Variants in HNRNPK observed in about 807,000 individuals in gnomAD.
HNRNPK encodes heterogeneous nuclear ribonucleoprotein K, also known as dC-stretch binding protein.
A neutral mutation model predicts 67.0 loss-of-function variants in HNRNPK; 7 were observed. That is an observed-to-expected ratio of 0.10 (90% CI 0.06 to 0.20). The LOEUF (loss-of-function observed/expected upper bound fraction) is 0.20. HNRNPK is among the 10% of genes least tolerant of loss of function. The pLI is 1.00. For missense variants in HNRNPK, 264 were observed against 606.5 expected, an observed-to-expected ratio of 0.44 and a Z score of 5.93; for synonymous variants, 213 against 193.7, an observed-to-expected ratio of 1.10 and a Z score of -0.83.
At chr9:83,977,911 C>A in intron 3 of HNRNPK, 125 bp from the exon 4 acceptor site, 1 of 641,990 alleles carries the variant, frequency 1.6e-6, no homozygotes, top group Non-Finnish European at 2.7e-6. Context: ...TTGCTACAGA[C>A]TTGAACGTTA....
At position 83,968,167 on chromosome 9, in the gene HNRNPK, C is replaced by T. The variant is rs1169212584; in HGVS notation, c.*1240G>A. The stretch of plus-strand genomic sequence containing the variant: ...AATCAACCCTTGTTCAAATCGGGCA[C>T]ACATCAAATCTAGCATCATGGGTGT... On this transcript the variant is annotated 3_prime_UTR_variant, in exon 17 of 17. Transcript: ENST00000376263. The T allele has an allele frequency of 6.6e-6, 1 of 152,510 alleles. No individual in the cohort carries two copies. Among genetic ancestry groups the T allele is most frequent in the East Asian group, 1.9e-4 (1 of 5,196 alleles). The allele number at this position is 152,510 out of a possible 1,614,324, so 9.4% of individuals were successfully genotyped here.
intron 7 of HNRNPK, 144 bp downstream of exon 7, chr9:83,974,373 T>A (rs1281601570): frequency 6.3e-6 from 3 of 477,424 alleles, no homozygotes; most frequent in African/African-American, 2.0e-5. Context: ...ATTACGCATG[T>A]ACAAAATTAT....
chr9:83,973,851 C>T (rs1956959344), intron 8 of HNRNPK, 51 bp downstream of exon 8: 1 of 1,313,606 alleles, frequency 7.6e-7, no homozygotes. Context: ...ATAATCGATC[C>T]TATGGGCCAG....
intron 11 of HNRNPK, 55 bp from the exon 12 acceptor site, chr9:83,971,781 A>G: frequency 6.3e-7 from 1 of 1,598,202 alleles, no homozygotes; most frequent in Non-Finnish European, 8.6e-7. Flanking sequence ...ACACATATCA[A>G]ATCAAAGTCT....
chr9:83,971,569 T>C (rs1008277342), intron 12 of HNRNPK, 103 bp downstream of exon 12: 6 of 988,224 alleles, frequency 6.1e-6, no homozygotes, highest in Non-Finnish European at 9.5e-6. Context: ...AAAATTTACT[T>C]GTAAGAAAAA....
At position 83,973,270 on chromosome 9, in the gene HNRNPK, ATT is replaced by A. The variant is rs112088787; in HGVS notation, c.516+14_516+15del. The A allele has an allele frequency of 2.8e-3, 3,388 of 1,208,014 alleles. No individual in the cohort carries two copies. The highest frequency in any genetic ancestry group is 3.5e-3 in the Admixed American group (184 of 52,428). 74.8% of individuals were successfully genotyped at this position (1,208,014 alleles called of 1,614,324 possible). ...ACTTTCCAGCAAAGAATACGGCAGA[ATT>A]TTTTTTTTTTTACCTCTCGAAGTTC... On this transcript the variant is annotated intron_variant, in intron 9 of 16. Coordinates refer to ENST00000376263, the MANE Select transcript of HNRNPK (RefSeq NM_031263.4).
At chr9:83,977,458 TCA>T (rs371592856) in intron 4 of HNRNPK, among the ~76,000 whole-genome samples, 324 of 152,324 alleles carry the variant, frequency 2.1e-3, no homozygotes, top group Non-Finnish European at 3.8e-3. Context: ...ACTTTAAGAA[TCA>T]CACTCTCCTC....
chr9:83,979,579 G>C lies in HNRNPK; in HGVS notation c.-108+574C>G, dbSNP rs1224032613. Among the ~76,000 whole-genome samples, 4 of 152,256 alleles carry C rather than the reference G, an allele frequency of 2.6e-5. No individual in the cohort carries two copies. The East Asian group carries it at 7.7e-4, about 29-fold the overall frequency. On this transcript the variant is annotated intron_variant, in intron 1 of 16. Transcript: ENST00000376263. ...GGTAACAGGACGGGAAAAAGCGAAA[G>C]TCGACAGCAGAAGCACCGCACCTCT...
upstream of HNRNPK, chr9:83,980,558 G>A (rs1957346996): frequency 6.5e-6 from 1 of 152,872 alleles, no homozygotes. Flanking sequence ...GTGCAGCAGA[G>A]AAACAGAGGA....
At chr9:83,974,635 GAAA>G in intron 6 of HNRNPK, 46 bp from the exon 7 acceptor site, 1 of 1,355,556 alleles carries the variant, frequency 7.4e-7, no homozygotes, top group Non-Finnish European at 1.0e-6. Flanking sequence ...AGGTGGAAAA[GAAA>G]AATGAGTTTT....
chr9:83,973,220 C>A, intron 9 of HNRNPK, 66 bp downstream of exon 9: 2 of 966,992 alleles, frequency 2.1e-6, no homozygotes, highest in Non-Finnish European at 3.3e-6. Context: ...GAGAAGCTCA[C>A]AGAAACAAGT....
chr9:83,980,085 C>G (rs1296004505), intron 1 of HNRNPK, 68 bp downstream of exon 1: 1 of 152,374 alleles, frequency 6.6e-6, no homozygotes, highest in African/African-American at 2.4e-5. Context: ...CAGGACGCCT[C>G]CCTCAAGCGG....
chr9:83,977,862 G>A (rs1478739050), intron 3 of HNRNPK, 76 bp from the exon 4 acceptor site: 4 of 909,618 alleles, frequency 4.4e-6, no homozygotes, highest in Non-Finnish European at 7.1e-6. Context: ...CAAGAGACTT[G>A]TTGCTAATCT....
At chr9:83,975,151 T>C (rs1404337791) in intron 6 of HNRNPK, among the ~76,000 whole-genome samples, 2 of 152,090 alleles carry the variant, frequency 1.3e-5, no homozygotes, top group African/African-American at 4.8e-5. Flanking sequence ...GAACAGGCAA[T>C]GTTGGGAAGC....
chr9:83,980,381 C>G (rs1054905483), upstream of HNRNPK: 1 of 152,618 alleles, frequency 6.6e-6, no homozygotes, highest in Admixed American at 6.5e-5. Context: ...CGCCTCCCTT[C>G]GGGCTGGGAG....
chr9:83,974,467 A>C, intron 7 of HNRNPK, 50 bp downstream of exon 7: 1 of 900,416 alleles, frequency 1.1e-6, no homozygotes, highest in Non-Finnish European at 1.8e-6. Flanking sequence ...ACATACTTTA[A>C]ACATTCCCCC....
In HNRNPK at chr9:83,976,806, C is replaced by T. The variant is rs189405737; in HGVS notation, c.213+189G>A. 15 of 444,546 alleles carry T rather than the reference C, an allele frequency of 3.4e-5. No homozygotes were observed. The South Asian group carries it at 4.1e-4, about 12-fold the overall frequency. 27.5% of individuals were successfully genotyped at this position (444,546 alleles called of 1,614,324 possible). ...AGAGGTTTGAAAGAAACCACCCCCC[C>T]ACCCTGCTCAATCTGGGCTTTTGTT... On this transcript the variant is annotated intron_variant, in intron 5 of 16. Coordinates refer to ENST00000376263, the MANE Select transcript of HNRNPK (RefSeq NM_031263.4).
intron 1 of HNRNPK, among the ~76,000 whole-genome samples, chr9:83,978,785 T>A (rs1012693689): frequency 6.6e-6 from 1 of 152,224 alleles, no homozygotes; most frequent in Admixed American, 6.5e-5. Flanking sequence ...TTACAATGCA[T>A]CTTATTCACT....
At position 83,968,129 on chromosome 9, in the gene HNRNPK, T is replaced by C. The variant is rs1199006428; in HGVS notation, c.*1278A>G. 1 of 152,616 alleles carries C rather than the reference T, an allele frequency of 6.6e-6. No homozygotes were observed. Among genetic ancestry groups the C allele is most frequent in the East Asian group, 1.9e-4 (1 of 5,202 alleles). 9.5% of individuals were successfully genotyped at this position (152,616 alleles called of 1,614,324 possible). ...CTTTTAAGAGGAACGTTTCAACAAA[T>C]TTTACAGGTGTCAATCAACCCTTGT... On this transcript the variant is annotated 3_prime_UTR_variant, in exon 17 of 17. Transcript: ENST00000376263.
Sources: allele counts gnomAD v4.1 joint callset (sites outside exome capture counted in the v4.1 genomes callset), GRCh38; gene constraint gnomAD v4.1.1; transcripts MANE v1.5; gene names NCBI Gene and HGNC (gene_info 2026-07-23, HGNC 2026-07-21).